Variants in SETD7 observed in about 807,000 individuals in gnomAD.
SETD7 encodes the protein SET domain containing 7, histone lysine methyltransferase, also known as histone-lysine N-methyltransferase SETD7.
Under a neutral mutation model 41.8 loss-of-function variants are expected in SETD7, and 16 were observed. The ratio of observed to expected loss-of-function variants is 0.38; its 90% confidence interval spans 0.26 to 0.58. The LOEUF (loss-of-function observed/expected upper bound fraction) is 0.58. Among genes scored for constraint, SETD7 ranks in the 20% least tolerant of loss-of-function variants. SETD7 has a pLI of 0.64. For synonymous variants in SETD7, 163 were observed against 169.7 expected (o/e 0.96, Z 0.31); for missense variants, 346 against 459.7 (o/e 0.75, Z 2.26).
chr4:139,546,947 C>T lies in SETD7; in HGVS notation c.143G>A (p.Arg48Gln), dbSNP rs147886067. The change falls in exon 2 of 8, where the codon CGG (arginine) becomes CAG (glutamine). Residue 48 changes from arginine (R) to glutamine (Q), a missense_variant. Arg to Gln is a conservative substitution (Grantham distance 43, BLOSUM62 1). Coordinates refer to ENST00000274031, the MANE Select transcript of SETD7 (RefSeq NM_030648.4). ...GNFVHGEKNG[R>Q]GKFFFFDGST... is the part of the protein sequence containing the mutation. ...GCCATCAAAGAAGAAGAACTTCCCC[C>T]GTCCGTTCTTTTCTCCGTGAACAAA... The T allele has an allele frequency of 9.3e-4, 1,508 of 1,614,046 alleles. 3 individuals are homozygous for T. Among genetic ancestry groups the T allele is most frequent in the Non-Finnish European group, 1.2e-3 (1,377 of 1,180,040 alleles).
At chr4:139,512,817 G>C (rs1053687080) in intron 7 of SETD7, among the ~76,000 whole-genome samples, 1 of 126,566 alleles carries the variant, frequency 7.9e-6, no homozygotes, top group African/African-American at 3.0e-5. Flanking sequence ...AAGTGCAGTG[G>C]CATGATCTTG....
chr4:139,524,403 C>T (rs757388587), intron 4 of SETD7, among the ~76,000 whole-genome samples: 6 of 152,314 alleles, frequency 3.9e-5, no homozygotes, highest in South Asian at 4.1e-4. Flanking sequence ...CAGATGGAGC[C>T]GTGAAGAGCC....
intron 1 of SETD7, among the ~76,000 whole-genome samples, chr4:139,552,225 C>CA (rs1452233602): frequency 6.6e-5 from 10 of 152,090 alleles, no homozygotes; most frequent in Non-Finnish European, 2.9e-5. Flanking sequence ...TTAGCAGAGA[C>CA]AAGTAGAATC....
At chr4:139,494,292 C>G (rs1489946571), downstream of SETD7, among the ~76,000 whole-genome samples, 1 of 152,200 alleles carries the variant, frequency 6.6e-6, no homozygotes, top group Non-Finnish European at 1.5e-5. Context: ...TACTCTCTCA[C>G]TACCTTTCAT....
intron 4 of SETD7, among the ~76,000 whole-genome samples, chr4:139,525,183 T>G (rs759347099): frequency 6.6e-6 from 1 of 152,222 alleles, no homozygotes; most frequent in Non-Finnish European, 1.5e-5. Context: ...AATTTTCCTA[T>G]GAATTCCATC....
chr4:139,556,012 G>A (rs1225424233), intron 1 of SETD7, 86 bp downstream of exon 1: 2 of 1,369,784 alleles, frequency 1.5e-6, no homozygotes, highest in Admixed American at 2.5e-5. Context: ...CGCGGGGCCC[G>A]GCGCCGCGCT....
chr4:139,516,934 T>A (rs1727042513), intron 7 of SETD7, among the ~76,000 whole-genome samples: 1 of 152,168 alleles, frequency 6.6e-6, no homozygotes, highest in Non-Finnish European at 1.5e-5. Context: ...TCCCCAGCCC[T>A]AGGGAACCAC....
chr4:139,496,571 G>A (rs974790523), intron 7 of SETD7: 11 of 686,600 alleles, frequency 1.6e-5, no homozygotes, highest in Admixed American at 1.1e-4. Context: ...GATTATTAAG[G>A]TACATAGATC....
intron 3 of SETD7, among the ~76,000 whole-genome samples, chr4:139,531,790 A>C (rs1293862721): frequency 1.3e-5 from 2 of 152,288 alleles, no homozygotes; most frequent in African/African-American, 4.8e-5. Flanking sequence ...ATAAGGTTTC[A>C]GAGTAAAAAT....
chr4:139,504,048 A>C (rs1224964789), downstream of SETD7, among the ~76,000 whole-genome samples: 1 of 152,226 alleles, frequency 6.6e-6, no homozygotes, highest in African/African-American at 2.4e-5. Context: ...CAGAGTGGAA[A>C]GATGGGAAGA....
At chr4:139,524,032 T>C (rs895227203) in intron 4 of SETD7, among the ~76,000 whole-genome samples, 70 of 152,294 alleles carry the variant, frequency 4.6e-4, no homozygotes, top group African/African-American at 1.6e-3. Context: ...TGTGAAGGAT[T>C]AGCTTTAGAG....
At chr4:139,528,038 C>T (rs1303078969) in intron 4 of SETD7, among the ~76,000 whole-genome samples, 1 of 152,008 alleles carries the variant, frequency 6.6e-6, no homozygotes, top group African/African-American at 2.4e-5. Flanking sequence ...GTTTTTTTCT[C>T]CCTATAACCA....
chr4:139,527,195 T>C (rs1437339589), intron 4 of SETD7, among the ~76,000 whole-genome samples: 1 of 152,200 alleles, frequency 6.6e-6, no homozygotes, highest in Non-Finnish European at 1.5e-5. Context: ...TAGACAACAG[T>C]AACCTAATGG....
chr4:139,497,844 C>G (rs999236541), intron 7 of SETD7, among the ~76,000 whole-genome samples: 1 of 152,108 alleles, frequency 6.6e-6, no homozygotes, highest in Non-Finnish European at 1.5e-5. Flanking sequence ...CCACCCGCCT[C>G]GGCCTCCCAA....
intron 2 of SETD7, among the ~76,000 whole-genome samples, chr4:139,540,989 C>T (rs916144643): frequency 6.6e-6 from 1 of 152,156 alleles, no homozygotes; most frequent in Non-Finnish European, 1.5e-5. Flanking sequence ...TGACCTTGCT[C>T]AGGTTATTTG....
chr4:139,499,650 C>T (rs769399890), intron 7 of SETD7, among the ~76,000 whole-genome samples: 1 of 149,824 alleles, frequency 6.7e-6, no homozygotes, highest in Non-Finnish European at 1.5e-5. Context: ...TTCCCAGCCC[C>T]CTTCCCACCA....
rs111498511 is a variant in SETD7 at position 139,531,808 on chromosome 4, C to T, written c.372+1357G>A. Among the ~76,000 whole-genome samples the T allele has an allele frequency of 8.7e-3, 1,324 of 152,092 alleles. 19 individuals carry two copies. Among genetic ancestry groups the T allele is most frequent in the African/African-American group, 0.029 (1,207 of 41,504 alleles). ...AGGTTTCAGAGTAAAAATATATTTT[C>T]AGCTTGGTGTGGTGGCTCGCACCTG... On this transcript the variant is annotated intron_variant, in intron 3 of 7. Coordinates refer to ENST00000274031, the MANE Select transcript of SETD7 (RefSeq NM_030648.4).
At chr4:139,545,897 G>GACCCAA (rs1727929546) in intron 2 of SETD7, among the ~76,000 whole-genome samples, 1 of 152,104 alleles carries the variant, frequency 6.6e-6, no homozygotes, top group Middle Eastern at 3.2e-3. Context: ...CCCAACCAAC[G>GACCCAA]GGTCTGAAAA....
In SETD7 at chr4:139,500,584, C is replaced by T. The variant is rs544349274; in HGVS notation, c.921-4063G>A. 5.3e-5 allele frequency among the ~76,000 whole-genome samples: 8 copies of T among 152,366 alleles called. No individual in the cohort carries two copies. In the South Asian group the frequency reaches 1.7e-3, roughly 32 times the overall value. ...AGTGCCGTGGTGCCACCTTGGCTCA[C>T]TGCAACCTCCGCCTCCCAGTTTCAA... On this transcript the variant is annotated intron_variant, in intron 7 of 7. Transcript: ENST00000506866.
Sources: allele counts gnomAD v4.1 joint callset (sites outside exome capture counted in the v4.1 genomes callset), GRCh38; gene constraint gnomAD v4.1.1; transcripts MANE v1.5; gene names NCBI Gene and HGNC (gene_info 2026-07-23, HGNC 2026-07-21).